The following ANKS1B variants were observed in gnomAD, a reference collection of about 807,000 sequenced individuals.
ANKS1B encodes ankyrin repeat and sterile alpha motif domain containing 1B.
In ANKS1B, 36 loss-of-function variants were observed where a neutral mutation model predicts 148.3. That is an observed-to-expected ratio of 0.24 (90% CI 0.19 to 0.32). The LOEUF (loss-of-function observed/expected upper bound fraction) is 0.32. ANKS1B is among the 10% of genes least tolerant of loss of function. The probability of loss-of-function intolerance (pLI) is 1.00; values close to 1 mark genes in which losing one functional copy is unlikely to be tolerated. For missense variants in ANKS1B, 1,157 were observed against 1,542.6 expected, an observed-to-expected ratio of 0.75 and a Z score of 4.19; for synonymous variants, 542 against 560.8, an observed-to-expected ratio of 0.97 and a Z score of 0.47.
chr12:99,376,970 C>T (rs1433579998), intron 12 of ANKS1B, among the ~76,000 whole-genome samples: 1 of 151,258 alleles, frequency 6.6e-6, no homozygotes, highest in Non-Finnish European at 1.5e-5. Flanking sequence ...CTAAGACAAC[C>T]TGCACCTTAC....
chr12:99,335,400 T>C (rs2088609739), intron 12 of ANKS1B, among the ~76,000 whole-genome samples: 1 of 152,000 alleles, frequency 6.6e-6, no homozygotes, highest in African/African-American at 2.4e-5. Flanking sequence ...ATACAATAAA[T>C]TACTGTTGAC....
At chr12:99,197,980 TATCTATCTTCCAC>T (rs1173428615) in intron 14 of ANKS1B, among the ~76,000 whole-genome samples, 1 of 152,114 alleles carries the variant, frequency 6.6e-6, no homozygotes, top group African/African-American at 2.4e-5. Context: ...TCATGTAAAA[TATCTATCTTCCAC>T]ATCTATCTTC....
At chr12:99,434,546 C>A (rs1194198138) in intron 11 of ANKS1B, among the ~76,000 whole-genome samples, 1 of 151,972 alleles carries the variant, frequency 6.6e-6, no homozygotes, top group African/African-American at 2.4e-5. Context: ...TTATTTATTA[C>A]CATTTTAATA....
At chr12:99,860,196 G>C (rs141012836) in intron 1 of ANKS1B, among the ~76,000 whole-genome samples, 2 of 152,268 alleles carry the variant, frequency 1.3e-5, no homozygotes, top group Admixed American at 1.3e-4. Context: ...AAGACACAAA[G>C]GCAAAAGACA....
intron 4 of ANKS1B, among the ~76,000 whole-genome samples, chr12:99,795,774 T>A (rs753067352): frequency 1.3e-5 from 2 of 151,992 alleles, no homozygotes; most frequent in Admixed American, 6.6e-5. Flanking sequence ...ATGCCATCAA[T>A]CAGAATTCAT....
intron 17 of ANKS1B, among the ~76,000 whole-genome samples, chr12:98,856,740 G>A (rs2099573711): frequency 6.6e-6 from 1 of 152,134 alleles, no homozygotes; most frequent in South Asian, 2.1e-4. Context: ...GAGCCTAGGA[G>A]GACAGATGCT....
intron 16 of ANKS1B, among the ~76,000 whole-genome samples, chr12:99,067,900 G>A (rs529813616): frequency 3.7e-5 from 5 of 134,888 alleles, no homozygotes; most frequent in African/African-American, 1.3e-4. Context: ...GTGTGTGTAT[G>A]TGTGTGTATG....
At chr12:99,753,819 C>T (rs531335123) in intron 8 of ANKS1B, among the ~76,000 whole-genome samples, 6 of 151,830 alleles carry the variant, frequency 4.0e-5, no homozygotes, top group Non-Finnish European at 8.8e-5. Flanking sequence ...GTCAGGAGTT[C>T]GAGATCAACC....
intron 19 of ANKS1B, among the ~76,000 whole-genome samples, chr12:98,827,101 G>A (rs1447033288): frequency 1.3e-5 from 2 of 152,134 alleles, no homozygotes; most frequent in African/African-American, 4.8e-5. Context: ...TTTTTAAGAG[G>A]TATGCATTCA....
intron 10 of ANKS1B, among the ~76,000 whole-genome samples, chr12:99,494,332 A>G (rs1409564822): frequency 1.3e-5 from 2 of 152,196 alleles, no homozygotes; most frequent in African/African-American, 4.8e-5. Flanking sequence ...AGAGAACACT[A>G]GCTGAGTCGT....
intron 17 of ANKS1B, among the ~76,000 whole-genome samples, chr12:99,037,449 G>A (rs2099956237): frequency 6.6e-6 from 1 of 151,740 alleles, no homozygotes; most frequent in Non-Finnish European, 1.5e-5. Context: ...AGGTTGCAGT[G>A]AGCCGAGATA....
At chr12:99,044,377 A>C (rs1324728045) in intron 17 of ANKS1B, among the ~76,000 whole-genome samples, 2 of 152,230 alleles carry the variant, frequency 1.3e-5, no homozygotes, top group East Asian at 3.9e-4. Flanking sequence ...CAAAGCTGAG[A>C]GAGTCTTTCC....
chr12:99,960,911 A>G (rs577938712), intron 1 of ANKS1B, among the ~76,000 whole-genome samples: 1 of 152,130 alleles, frequency 6.6e-6, no homozygotes, highest in Non-Finnish European at 1.5e-5. Context: ...GTCCAACTGC[A>G]TCACACAGTA....
At chr12:98,913,397 T>C (rs148768890) in intron 17 of ANKS1B, among the ~76,000 whole-genome samples, 4 of 152,174 alleles carry the variant, frequency 2.6e-5, no homozygotes, top group African/African-American at 9.7e-5. Flanking sequence ...GTCTTCTTGC[T>C]GATTCCTCCT....
At chr12:99,209,582 G>A (rs1396288463) in intron 14 of ANKS1B, among the ~76,000 whole-genome samples, 1 of 152,180 alleles carries the variant, frequency 6.6e-6, no homozygotes, top group Non-Finnish European at 1.5e-5. Flanking sequence ...CATGCTTGAT[G>A]TGTGGGCCAT....
intron 1 of ANKS1B, among the ~76,000 whole-genome samples, chr12:99,826,367 A>G (rs2153684148): frequency 6.6e-6 from 1 of 152,340 alleles, no homozygotes; most frequent in Non-Finnish European, 1.5e-5. Flanking sequence ...AAGAGAATGA[A>G]TAGCTATTCC....
chr12:99,042,151 G>A (rs1420974750), intron 17 of ANKS1B, among the ~76,000 whole-genome samples: 3 of 152,102 alleles, frequency 2.0e-5, no homozygotes, highest in Admixed American at 1.3e-4. Flanking sequence ...GCTATTTACC[G>A]TGTGATTTTG....
intron 17 of ANKS1B, among the ~76,000 whole-genome samples, chr12:98,837,348 A>G (rs921741759): frequency 1.3e-5 from 2 of 151,828 alleles, no homozygotes; most frequent in African/African-American, 4.8e-5. Flanking sequence ...GAAAAAAAAA[A>G]AAAAGAAAAA....
At chr12:99,007,167 G>C (rs551134503) in intron 17 of ANKS1B, among the ~76,000 whole-genome samples, 15 of 152,328 alleles carry the variant, frequency 9.8e-5, no homozygotes, top group African/African-American at 3.6e-4. Context: ...TGATGTGGGA[G>C]CTGGAGCTGT....
Sources: gnomAD v4.1 joint callset for allele counts (sites outside exome capture counted in the v4.1 genomes callset) on GRCh38, gnomAD v4.1.1 for gene constraint, MANE v1.5 for transcripts, NCBI Gene and HGNC (gene_info 2026-07-23, HGNC 2026-07-21) for gene names.